ARHGEF12: variants seen among roughly 807,000 people sequenced by gnomAD.
ARHGEF12 encodes the protein KMT2A/ARHGEF12 fusion protein.
Under a neutral mutation model 211.2 loss-of-function variants are expected in ARHGEF12, and 66 were observed. The ratio of observed to expected loss-of-function variants is 0.31; its 90% CI spans 0.26 to 0.38. The LOEUF is 0.38. Ranked by LOEUF, ARHGEF12 falls within the 10% of genes least tolerant of loss-of-function variation. The pLI is 1.00. For missense variants in ARHGEF12, 1,429 were observed against 1,869.5 expected (o/e 0.76, Z 4.34); for synonymous variants, 592 against 638.4 (o/e 0.93, Z 1.09).
At chr11:120,392,101 T>C (rs570150573) in intron 1 of ARHGEF12, among the ~76,000 whole-genome samples, 1 of 152,322 alleles carries the variant, frequency 6.6e-6, no homozygotes, top group Admixed American at 6.5e-5. Context: ...GTGGATCTCA[T>C]TTCAGCACTA....
chr11:120,433,746 G>A (rs973492567), intron 11 of ARHGEF12, among the ~76,000 whole-genome samples: 2 of 152,166 alleles, frequency 1.3e-5, no homozygotes, highest in Non-Finnish European at 2.9e-5. Context: ...ACAAGGTCAG[G>A]AGTTCAAAAC....
intron 33 of ARHGEF12, 47 bp downstream of exon 33, chr11:120,475,554 G>A (rs1463928320): frequency 1.3e-6 from 2 of 1,588,032 alleles, no homozygotes; most frequent in African/African-American, 2.7e-5. Flanking sequence ...TCATTGTGAA[G>A]TTGCATAAGA....
chr11:120,436,498 G>A (rs1227237832), intron 11 of ARHGEF12, among the ~76,000 whole-genome samples: 1 of 152,164 alleles, frequency 6.6e-6, no homozygotes, highest in Non-Finnish European at 1.5e-5. Flanking sequence ...TCTCCACAAA[G>A]TGAGTTTCTG....
chr11:120,406,155 A>G lies in ARHGEF12; in HGVS notation c.56+14A>G, dbSNP rs374800327. Reference sequence around the variant, plus strand: ...AAAACCTATAAGGTAAGTTTGCTCAATTACACTTCATACTCAAGTTTAGGT... The same window carrying G: ...AAAACCTATAAGGTAAGTTTGCTCAGTTACACTTCATACTCAAGTTTAGGT... On this transcript the variant is annotated intron_variant, in intron 2 of 40. Coordinates refer to ENST00000397843, the MANE Select transcript of ARHGEF12 (RefSeq NM_015313.3). The G allele has an allele frequency of 2.0e-5, 30 of 1,507,644 alleles. No individual in the cohort carries two copies. The African/African-American group carries it at 2.2e-4, about 11-fold the overall frequency. 93.4% of individuals were successfully genotyped at this position (1,507,644 alleles called of 1,614,324 possible). A position where few individuals can be genotyped will look rare whatever the true frequency, so the allele number is the denominator to read the frequency against.
intron 1 of ARHGEF12, among the ~76,000 whole-genome samples, chr11:120,382,416 A>T (rs1397460541): frequency 6.6e-6 from 1 of 152,238 alleles, no homozygotes; most frequent in Non-Finnish European, 1.5e-5. Context: ...CAGTTTTAAA[A>T]ATCCATTCTA....
chr11:120,359,641 G>A (rs1943226817), intron 1 of ARHGEF12, among the ~76,000 whole-genome samples: 2 of 152,204 alleles, frequency 1.3e-5, no homozygotes, highest in African/African-American at 4.8e-5. Context: ...TGAGTTCTTA[G>A]CTAGTGCTAT....
At chr11:120,404,525 T>G (rs35659242) in intron 1 of ARHGEF12, among the ~76,000 whole-genome samples, 14,513 of 152,190 alleles carry the variant, frequency 0.095, 979 homozygotes, top group African/African-American at 0.19. Flanking sequence ...ACTGTGGGCG[T>G]GGTCCTTGTT....
chr11:120,351,686 G>C (rs1942978671), intron 1 of ARHGEF12, among the ~76,000 whole-genome samples: 1 of 151,624 alleles, frequency 6.6e-6, no homozygotes, highest in Non-Finnish European at 1.5e-5. Flanking sequence ...GGCCAGGCTG[G>C]TCTCGAACTC....
intron 1 of ARHGEF12, among the ~76,000 whole-genome samples, chr11:120,388,402 A>G (rs1474083340): frequency 6.6e-6 from 1 of 152,058 alleles, no homozygotes; most frequent in Admixed American, 6.6e-5. Context: ...CAAGTTTTAG[A>G]CTATTAGGAA....
At chr11:120,347,194 TTC>T (rs1213877775) in intron 1 of ARHGEF12, among the ~76,000 whole-genome samples, 1 of 141,862 alleles carries the variant, frequency 7.0e-6, no homozygotes, top group African/African-American at 2.8e-5. Context: ...CTTTCTTTCT[TTC>T]TTTCTTTCTC....
intron 25 of ARHGEF12, chr11:120,458,522 A>G: frequency 6.5e-6 from 2 of 309,324 alleles, no homozygotes; most frequent in South Asian, 3.7e-5. Flanking sequence ...AGTTATTTTT[A>G]TGCATAGATT....
chr11:120,392,467 C>T (rs1483840651), intron 1 of ARHGEF12, among the ~76,000 whole-genome samples: 3 of 152,132 alleles, frequency 2.0e-5, no homozygotes, highest in Non-Finnish European at 2.9e-5. Context: ...TTAACGTAAC[C>T]TCCAGTGTCT....
At chr11:120,459,402 C>A in intron 26 of ARHGEF12, 82 bp downstream of exon 26, 16 of 1,407,288 alleles carry the variant, frequency 1.1e-5, no homozygotes, top group Non-Finnish European at 1.6e-5. Flanking sequence ...GTAAATGTAC[C>A]CATGTTAGTA....
chr11:120,398,487 C>T (rs946770561), intron 1 of ARHGEF12, among the ~76,000 whole-genome samples: 2 of 152,296 alleles, frequency 1.3e-5, no homozygotes, highest in Middle Eastern at 3.4e-3. Flanking sequence ...TTAATTTCCT[C>T]ATCTTTTCCT....
At chr11:120,448,409 A>G in intron 20 of ARHGEF12, 61 bp downstream of exon 20, 1 of 1,247,208 alleles carries the variant, frequency 8.0e-7, no homozygotes, top group Non-Finnish European at 1.2e-6. Flanking sequence ...ATTTGGTTGC[A>G]GTGTCTTCCA....
In ARHGEF12 at chr11:120,449,203, A is replaced by G; in HGVS notation, c.1832A>G (p.Asp611Gly). The G allele has an allele frequency of 1.9e-6, 3 of 1,614,062 alleles. No homozygotes were observed. Among genetic ancestry groups the G allele is most frequent in the Non-Finnish European group, 2.5e-6 (3 of 1,179,954 alleles). ...CCCCCACGGAGACCAAGCCGTCATG[A>G]CAACAGTGCAAGTATGTTGAAGTTT... The part of the protein sequence containing the change: ...LGPPRRPSRH[D>G]NSAIGRAMEL... Residue 611 changes from aspartate to glycine, a missense_variant, in exon 21 of 41, where the codon GAC becomes GGC. Asp to Gly is a moderately conservative substitution (Grantham distance 94). Around this residue, in one of 7 missense-constraint regions of ARHGEF12, gnomAD observed 373 missense variants for 467.5 expected, o/e 0.80. Coordinates refer to ENST00000397843, the MANE Select transcript of ARHGEF12 (RefSeq NM_015313.3).
chr11:120,356,320 A>G (rs1473933448), intron 1 of ARHGEF12, among the ~76,000 whole-genome samples: 2 of 152,146 alleles, frequency 1.3e-5, no homozygotes, highest in African/African-American at 4.8e-5. Flanking sequence ...TCCTGGGTTC[A>G]AGCGATTCTT....
intron 37 of ARHGEF12, 41 bp downstream of exon 37, chr11:120,478,430 A>ATGAC: frequency 1.3e-6 from 2 of 1,524,926 alleles, no homozygotes; most frequent in East Asian, 4.6e-5. Context: ...CTTACTAAGT[A>ATGAC]TGACACTCAT....
At chr11:120,452,415 C>T (rs539595357) in intron 22 of ARHGEF12, among the ~76,000 whole-genome samples, 44 of 152,094 alleles carry the variant, frequency 2.9e-4, no homozygotes, top group Non-Finnish European at 5.3e-4. Flanking sequence ...GTTTGGGAGG[C>T]GGTTCAATTT....
Sources: gnomAD v4.1 joint callset for allele counts (sites outside exome capture counted in the v4.1 genomes callset) on GRCh38, gnomAD v4.1.1 for gene constraint, gnomAD v4.1.1 regional missense constraint, MANE v1.5 for transcripts, NCBI Gene and HGNC (gene_info 2026-07-23, HGNC 2026-07-21) for gene names.